The following RANBP2 variants were observed in gnomAD, a reference collection of about 807,000 sequenced individuals.
RANBP2 encodes the protein E3 SUMO-protein ligase RanBP2.
A neutral mutation model predicts 303.6 loss-of-function variants in RANBP2; 57 were observed. That is an observed-to-expected ratio of 0.19 (90% CI 0.15 to 0.23). The LOEUF is 0.23. RANBP2 is among the 10% of genes least tolerant of loss of function. The pLI is 1.00. For missense variants in RANBP2, 3,138 were observed against 3,780.8 expected (o/e 0.83, Z 4.46); for synonymous variants, 1,167 against 1,301.5 (o/e 0.90, Z 2.23).
At chr2:109,561,065 C>T in the RANBP2 span, among the ~76,000 whole-genome samples, 2 of 150,694 alleles carry the variant, frequency 1.3e-5, no homozygotes, top group South Asian at 2.1e-4. Context: ...AATAGCGTTG[C>T]CTTCCCCTTA....
the RANBP2 span, among the ~76,000 whole-genome samples, chr2:109,674,055 T>A: frequency 2.0e-5 from 3 of 152,184 alleles, no homozygotes; most frequent in Non-Finnish European, 2.9e-5. Context: ...TTATTTCTAC[T>A]GGGTAGGTTC....
the RANBP2 span, among the ~76,000 whole-genome samples, chr2:109,031,687 A>G: frequency 6.6e-6 from 1 of 152,152 alleles, no homozygotes; most frequent in Non-Finnish European, 1.5e-5. Flanking sequence ...AGCGTCGGCC[A>G]CGTGGGCCGG....
At chr2:108,832,291 T>C in the RANBP2 span, among the ~76,000 whole-genome samples, 1 of 151,240 alleles carries the variant, frequency 6.6e-6, no homozygotes, top group Non-Finnish European at 1.5e-5. Flanking sequence ...CCTCCCAAAG[T>C]GCTGAGATTA....
At chr2:109,577,916 A>C in the RANBP2 span, among the ~76,000 whole-genome samples, 6 of 147,772 alleles carry the variant, frequency 4.1e-5, no homozygotes, top group African/African-American at 1.5e-4. Context: ...TTGTCTCAAA[A>C]AAAAAAAAAA....
At chr2:109,728,937 C>T in the RANBP2 span, among the ~76,000 whole-genome samples, 2 of 152,164 alleles carry the variant, frequency 1.3e-5, no homozygotes, top group Non-Finnish European at 2.9e-5. Flanking sequence ...CATTCGGTAC[C>T]ATCTGGCTCA....
chr2:108,848,752 A>G, the RANBP2 span, among the ~76,000 whole-genome samples: 1 of 152,222 alleles, frequency 6.6e-6, no homozygotes, highest in Admixed American at 6.5e-5. Context: ...CTAATATGTA[A>G]TGATACAAAA....
At chr2:109,458,032 T>C in the RANBP2 span, among the ~76,000 whole-genome samples, 2 of 152,130 alleles carry the variant, frequency 1.3e-5, no homozygotes, top group African/African-American at 2.4e-5. Flanking sequence ...TATTTTGTTT[T>C]TTCAGGCACT....
At chr2:109,463,094 T>C in the RANBP2 span, among the ~76,000 whole-genome samples, 4 of 152,328 alleles carry the variant, frequency 2.6e-5, no homozygotes, top group Non-Finnish European at 5.9e-5. Flanking sequence ...ATTCTGAGTC[T>C]GTAAAGTAGC....
Position 108,782,578 on chromosome 2 carries a change from G to A in RANBP2, c.9085G>A (p.Val3029Ile), listed in dbSNP as rs1312086478. ...QLAVRFKTKEVADCFKKTFEE... is the reference protein window; with the variant it reads ...QLAVRFKTKEIADCFKKTFEE... The stretch of plus-strand genomic sequence containing the variant: ...TGCAGTGAGATTTAAAACTAAAGAA[G>A]TAGCTGATTGTTTCAAGAAAACATT... The change falls in exon 28 of 29, where the codon GTA becomes ATA. Residue 3029 changes from valine to isoleucine, a missense_variant. Around this residue, in one of 20 missense-constraint regions of RANBP2, gnomAD observed 204 missense variants for 228.4 expected, o/e 0.89. Coordinates refer to ENST00000283195, the MANE Select transcript of RANBP2 (RefSeq NM_006267.5). 6.2e-7 allele frequency: 1 copy of A among 1,614,190 alleles called. No homozygotes were observed. The highest frequency in any genetic ancestry group is 1.7e-5 in the Admixed American group (1 of 60,020).
chr2:109,202,209 A>G, the RANBP2 span, among the ~76,000 whole-genome samples: 4 of 152,132 alleles, frequency 2.6e-5, no homozygotes, highest in East Asian at 3.9e-4. Context: ...TTGTTTCCCA[A>G]GCCACCTGTG....
the RANBP2 span, among the ~76,000 whole-genome samples, chr2:109,331,561 T>G: frequency 6.6e-6 from 1 of 152,206 alleles, no homozygotes; most frequent in African/African-American, 2.4e-5. Flanking sequence ...AATCCCCTTC[T>G]GGATATATTT....
the RANBP2 span, among the ~76,000 whole-genome samples, chr2:109,468,985 G>A: frequency 6.6e-6 from 1 of 150,592 alleles, no homozygotes; most frequent in African/African-American, 2.4e-5. Context: ...CTAGATGCAT[G>A]TCAAGCTCAA....
the RANBP2 span, among the ~76,000 whole-genome samples, chr2:109,283,569 T>TG: frequency 2.0e-5 from 3 of 151,872 alleles, no homozygotes; most frequent in African/African-American, 7.3e-5. Context: ...GTGAGCAGGA[T>TG]GGGGGCACAC....
the RANBP2 span, chr2:108,931,157 T>C: frequency 1.3e-6 from 1 of 790,564 alleles, no homozygotes; most frequent in Non-Finnish European, 2.2e-6. Context: ...CTATACATCC[T>C]AAAAGAAAAG....
Position 108,765,214 on chromosome 2 carries a change from A to G in RANBP2, c.4675A>G (p.Asn1559Asp), listed in dbSNP as rs1403751044. ...CSSCLVRNEA[N>D]ATRCVACQNP... ...TTCATGCTTAGTGCGAAATGAAGCA[A>G]ATGCTACAAGATGTGTTGCTTGTCA... Residue 1559 changes from asparagine to aspartate, a missense_variant, in exon 20 of 29, where the codon AAT becomes GAT. By Grantham distance (23) the Asn-to-Asp change is conservative (BLOSUM62 1). Transcript: ENST00000283195. 3 of 1,614,016 alleles carry G rather than the reference A, an allele frequency of 1.9e-6. No homozygotes were observed. Among genetic ancestry groups the G allele is most frequent in the African/African-American group, 2.7e-5 (2 of 74,928 alleles).
chr2:109,249,470 T>TTTCGTTCG, the RANBP2 span, among the ~76,000 whole-genome samples: 9 of 16,068 alleles, frequency 5.6e-4, no homozygotes, highest in African/African-American at 4.3e-3. Flanking sequence ...TCTCTTTCTC[T>TTTCGTTCG]TTCTTTCTTT....
At chr2:109,039,166 G>C in the RANBP2 span, among the ~76,000 whole-genome samples, 1 of 152,208 alleles carries the variant, frequency 6.6e-6, no homozygotes. Flanking sequence ...TCAGCCTCTA[G>C]ACAGACTTTG....
the RANBP2 span, among the ~76,000 whole-genome samples, chr2:109,609,860 C>T: frequency 5.9e-5 from 9 of 152,232 alleles, no homozygotes; most frequent in South Asian, 1.2e-3. Context: ...AAAATTATGG[C>T]TGTGTTTCTC....
At chr2:109,288,548 G>A in the RANBP2 span, among the ~76,000 whole-genome samples, 124 of 152,290 alleles carry the variant, frequency 8.1e-4, no homozygotes, top group African/African-American at 2.9e-3. Flanking sequence ...TTGTCATGTT[G>A]GTCTGGAGTC....
Sources: allele counts gnomAD v4.1 joint callset (sites outside exome capture counted in the v4.1 genomes callset), GRCh38; gene constraint gnomAD v4.1.1; regional missense constraint gnomAD v4.1.1; transcripts MANE v1.5; gene names NCBI Gene and HGNC (gene_info 2026-07-23, HGNC 2026-07-21).